Variants in DHRS7B observed in about 807,000 individuals in gnomAD.
DHRS7B encodes dehydrogenase/reductase 7B.
Under a neutral mutation model 26.4 loss-of-function variants are expected in DHRS7B, and 24 were observed. The ratio of observed to expected loss-of-function variants is 0.91; its 90% confidence interval spans 0.66 to 1.28. DHRS7B has a LOEUF of 1.28. Ranked by LOEUF, DHRS7B falls within the 50% of genes most tolerant of loss-of-function variation. The pLI is 0.00. For synonymous variants in DHRS7B, 142 were observed against 166.4 expected (o/e 0.85, Z 1.13); for missense variants, 368 against 419.4 (o/e 0.88, Z 1.07).
intron 3 of DHRS7B, among the ~76,000 whole-genome samples, chr17:21,178,657 GTTT>G (rs373480205): frequency 1.3e-4 from 17 of 134,730 alleles, no homozygotes; most frequent in Non-Finnish European, 1.8e-4. Context: ...TTTAAAAGGT[GTTT>G]TTTTTTTTTT....
At chr17:21,150,499 C>T (rs1203515006) in intron 1 of DHRS7B, among the ~76,000 whole-genome samples, 1 of 152,136 alleles carries the variant, frequency 6.6e-6, no homozygotes, top group Non-Finnish European at 1.5e-5. Flanking sequence ...TGCCTGTAAT[C>T]CCAGCTACTT....
At position 21,180,682 on chromosome 17, in the gene DHRS7B, G is replaced by C. The variant is rs528182941; in HGVS notation, c.309+2340G>C. 1.1e-4 allele frequency among the ~76,000 whole-genome samples: 17 copies of C among 152,212 alleles called. No individual in the cohort carries two copies. In the South Asian group the frequency reaches 3.1e-3, roughly 28 times the overall value. On this transcript the variant is annotated intron_variant, in intron 3 of 6. Transcript: ENST00000395511. Reference sequence around the variant, plus strand: ...CGGGGTGGAGCATGAGGGTAGGAAGGGGGAGGCAAGGGGGAGGAGGAGGGG... The same window carrying C: ...CGGGGTGGAGCATGAGGGTAGGAAGCGGGAGGCAAGGGGGAGGAGGAGGGG...
intron 1 of DHRS7B, among the ~76,000 whole-genome samples, chr17:21,134,856 C>G (rs1973308031): frequency 6.6e-6 from 1 of 152,140 alleles, no homozygotes; most frequent in African/African-American, 2.4e-5. Context: ...AAAGGATCAG[C>G]AAACATTTTA....
chr17:21,137,313 T>TTTG (rs1390786571), intron 1 of DHRS7B, among the ~76,000 whole-genome samples: 1 of 132,698 alleles, frequency 7.5e-6, no homozygotes, highest in African/African-American at 2.9e-5. Context: ...TTTTTTTTTT[T>TTTG]TGAGACAGAG....
In DHRS7B at chr17:21,161,498, G is replaced by A. The variant is rs116061067; in HGVS notation, c.21-10520G>A. ...AGACATTCCCATATAAACAAAGACT[G>A]AGATAATTGGTAGATTGTAGATTTG... On this transcript the variant is annotated intron_variant, in intron 1 of 6. Coordinates refer to ENST00000395511, the MANE Select transcript of DHRS7B (RefSeq NM_015510.5). Among the ~76,000 whole-genome samples the A allele has an allele frequency of 2.9e-3, 440 of 152,306 alleles. 4 individuals carry two copies. The highest frequency in any genetic ancestry group is 0.01 in the African/African-American group (416 of 41,560).
chr17:21,168,653 G>A (rs887538743), intron 1 of DHRS7B: 1 of 919,256 alleles, frequency 1.1e-6, no homozygotes. Context: ...ACAGGCGCGA[G>A]GCACTGCGTT....
chr17:21,156,174 G>C (rs958972779), intron 1 of DHRS7B, among the ~76,000 whole-genome samples: 17 of 152,058 alleles, frequency 1.1e-4, no homozygotes, highest in Non-Finnish European at 2.4e-4. Context: ...ACTAAAAGCT[G>C]GTTCTTTGAA....
chr17:21,130,692 T>A lies in DHRS7B; in HGVS notation c.20+3701T>A, dbSNP rs539691399. Among the ~76,000 whole-genome samples, 41 of 152,252 alleles carry A rather than the reference T, an allele frequency of 2.7e-4. 1 individual carries two copies. In the East Asian group the frequency reaches 7.7e-3, roughly 29 times the overall value. On this transcript the variant is annotated intron_variant, in intron 1 of 6. Coordinates refer to ENST00000395511, the MANE Select transcript of DHRS7B (RefSeq NM_015510.5). ...TCAGTTTTAAAATTTTTACTATATGTTTGCATGACAACTAAAAAAAAAATT... is the reference window on the plus strand; with the variant it reads ...TCAGTTTTAAAATTTTTACTATATGATTGCATGACAACTAAAAAAAAAATT...
At chr17:21,136,670 C>A (rs1358827352) in intron 1 of DHRS7B, among the ~76,000 whole-genome samples, 1 of 151,964 alleles carries the variant, frequency 6.6e-6, no homozygotes, top group Non-Finnish European at 1.5e-5. Context: ...ATTCTCCTGC[C>A]TCAGACTCCT....
intron 2 of DHRS7B, among the ~76,000 whole-genome samples, chr17:21,175,793 G>A (rs1186908472): frequency 6.6e-6 from 1 of 151,968 alleles, no homozygotes; most frequent in Admixed American, 6.6e-5. Context: ...GCCAAGCATG[G>A]TGGCATGTGC....
chr17:21,152,743 A>T (rs1360937433), intron 1 of DHRS7B, among the ~76,000 whole-genome samples: 3 of 152,132 alleles, frequency 2.0e-5, no homozygotes, highest in Non-Finnish European at 4.4e-5. Flanking sequence ...GAAGGGTAAT[A>T]CTCAACCTCA....
At chr17:21,175,922 G>GT (rs1430877638) in intron 2 of DHRS7B, among the ~76,000 whole-genome samples, 1 of 81,858 alleles carries the variant, frequency 1.2e-5, no homozygotes, top group Non-Finnish European at 2.7e-5. Context: ...GCGAGACCCT[G>GT]TATCAAAAAA....
At chr17:21,143,260 A>T (rs570774658) in intron 1 of DHRS7B, among the ~76,000 whole-genome samples, 2 of 152,044 alleles carry the variant, frequency 1.3e-5, no homozygotes, top group African/African-American at 2.4e-5. Flanking sequence ...ATGGGGTTTC[A>T]CCCTGTTGGC....
At chr17:21,130,472 A>G (rs998348130) in intron 1 of DHRS7B, among the ~76,000 whole-genome samples, 5 of 152,192 alleles carry the variant, frequency 3.3e-5, no homozygotes, top group African/African-American at 1.2e-4. Flanking sequence ...GCCCTTCAGA[A>G]AAACAGTCCT....
intron 1 of DHRS7B, among the ~76,000 whole-genome samples, chr17:21,141,619 CAAAAAAAAAA>C (rs71357469): frequency 7.0e-5 from 1 of 14,382 alleles, no homozygotes; most frequent in Non-Finnish European, 1.3e-4. Flanking sequence ...AGCAAGAAAG[CAAAAAAAAAA>C]AAAAAAAAAA....
rs764039935 is a variant in DHRS7B at position 21,188,766 on chromosome 17, G to A, written c.675G>A (p.Met225Ile). The change falls in exon 6 of 7, where the codon ATG becomes ATA. Residue 225 changes from methionine (M) to isoleucine (I), a missense_variant. Physicochemically the swap from Met to Ile is conservative, Grantham distance 10. Coordinates refer to ENST00000395511, the MANE Select transcript of DHRS7B (RefSeq NM_015510.5). ...QAFFDCLRAE[M>I]EQYEIEVTVI... ...TCTTTGACTGTCTGCGTGCCGAGAT[G>A]GAACAGTATGAAATTGAGGTGACCG... 21 of 1,613,604 alleles carry A rather than the reference G, an allele frequency of 1.3e-5. No homozygotes were observed. Among genetic ancestry groups the A allele is most frequent in the South Asian group, 2.2e-5 (2 of 90,922 alleles).
chr17:21,157,954 A>G (rs759767185), intron 1 of DHRS7B, among the ~76,000 whole-genome samples: 5 of 152,082 alleles, frequency 3.3e-5, no homozygotes, highest in Non-Finnish European at 7.4e-5. Context: ...GAAAAAAAAA[A>G]ATAATAATAA....
chr17:21,147,773 A>G (rs1346250730), intron 1 of DHRS7B, among the ~76,000 whole-genome samples: 3 of 152,222 alleles, frequency 2.0e-5, no homozygotes, highest in Non-Finnish European at 4.4e-5. Flanking sequence ...GCAGAGACAA[A>G]GGTGGGAGGC....
chr17:21,133,396 G>T (rs762280288), intron 1 of DHRS7B, among the ~76,000 whole-genome samples: 1 of 141,470 alleles, frequency 7.1e-6, no homozygotes, highest in Non-Finnish European at 1.6e-5. Context: ...ATCTAGAAAG[G>T]CAGGACCACT....
Sources: gnomAD v4.1 joint callset for allele counts (sites outside exome capture counted in the v4.1 genomes callset) on GRCh38, gnomAD v4.1.1 for gene constraint, MANE v1.5 for transcripts, NCBI Gene and HGNC (gene_info 2026-07-23, HGNC 2026-07-21) for gene names.